Variants in KIAA1328 observed in about 807,000 individuals in gnomAD.
KIAA1328 encodes the protein KIAA1328, also known as protein hinderin.
Under a neutral mutation model 68.1 loss-of-function variants are expected in KIAA1328, and 52 were observed. The observed-to-expected ratio is 0.76, with a 90% CI of 0.61 to 0.96. KIAA1328 has a LOEUF of 0.96. Ranked by LOEUF, KIAA1328 falls within the 40% of genes least tolerant of loss-of-function variation. The pLI is 0.00. For synonymous variants in KIAA1328, 232 were observed against 239.4 expected (o/e 0.97, Z 0.28); for missense variants, 641 against 677.6 (o/e 0.95, Z 0.60).
At chr18:36,921,266 G>T (rs1469608519) in intron 5 of KIAA1328, 5 of 150,292 alleles carry the variant, frequency 3.3e-5, no homozygotes, top group Non-Finnish European at 5.9e-5. Flanking sequence ...TTTTTTGTAG[G>T]TCAGGTTGAA....
chr18:37,135,992 AT>A (rs1262897063), intron 7 of KIAA1328, among the ~76,000 whole-genome samples: 2 of 151,630 alleles, frequency 1.3e-5, no homozygotes, highest in Non-Finnish European at 2.9e-5. Context: ...TGGGTTTTCT[AT>A]TTTTTCCATT....
At chr18:37,173,671 T>G (rs2059543246) in intron 9 of KIAA1328, among the ~76,000 whole-genome samples, 1 of 152,244 alleles carries the variant, frequency 6.6e-6, no homozygotes, top group Non-Finnish European at 1.5e-5. Context: ...TTTTGAGCAC[T>G]TAAATTCATA....
intron 4 of KIAA1328, among the ~76,000 whole-genome samples, chr18:36,865,355 C>T (rs1056661228): frequency 2.0e-5 from 3 of 151,966 alleles, no homozygotes; most frequent in African/African-American, 4.8e-5. Flanking sequence ...TCCAATCATA[C>T]GGAGATTTTT....
chr18:36,905,247 G>C (rs964406436), intron 5 of KIAA1328, among the ~76,000 whole-genome samples: 1 of 151,900 alleles, frequency 6.6e-6, no homozygotes, highest in Non-Finnish European at 1.5e-5. Context: ...AAATAGCTGG[G>C]ACTAGAGGCA....
At chr18:36,829,460 C>G (rs1343955646) in intron 1 of KIAA1328, 1 of 1,288,524 alleles carries the variant, frequency 7.8e-7, no homozygotes, top group Non-Finnish European at 9.8e-7. Context: ...GAAAGATAGC[C>G]TTGAGTCCAG....
At chr18:37,096,827 A>G (rs1169121474) in intron 7 of KIAA1328, among the ~76,000 whole-genome samples, 2 of 152,204 alleles carry the variant, frequency 1.3e-5, no homozygotes, top group Non-Finnish European at 2.9e-5. Flanking sequence ...ATGGCCAGTG[A>G]TGATGAGCAT....
At chr18:37,082,036 G>T (rs549341922) in intron 7 of KIAA1328, among the ~76,000 whole-genome samples, 1 of 152,048 alleles carries the variant, frequency 6.6e-6, no homozygotes, top group Non-Finnish European at 1.5e-5. Context: ...AAAACTCTAT[G>T]TGAGGAGTAT....
chr18:36,973,360 G>A (rs552873345), intron 6 of KIAA1328, among the ~76,000 whole-genome samples: 1 of 152,004 alleles, frequency 6.6e-6, no homozygotes, highest in South Asian at 2.1e-4. Flanking sequence ...GCATTAGGAG[G>A]TATACCTAAT....
At chr18:37,177,660 G>A (rs566786131) in intron 9 of KIAA1328, among the ~76,000 whole-genome samples, 2 of 151,898 alleles carry the variant, frequency 1.3e-5, no homozygotes, top group Non-Finnish European at 1.5e-5. Flanking sequence ...ACACAAAAGC[G>A]TTAAAGGTTT....
intron 7 of KIAA1328, among the ~76,000 whole-genome samples, chr18:37,071,980 C>T (rs1381915177): frequency 3.3e-5 from 5 of 152,078 alleles, no homozygotes; most frequent in African/African-American, 9.7e-5. Context: ...CAGAGTCTCT[C>T]ATTGAGAAAC....
chr18:36,902,923 C>T (rs966977001), intron 5 of KIAA1328, among the ~76,000 whole-genome samples: 1 of 151,948 alleles, frequency 6.6e-6, no homozygotes. Flanking sequence ...AGGATAATTA[C>T]CCTTAGAATT....
At chr18:37,016,760 G>A (rs534475842) in intron 6 of KIAA1328, among the ~76,000 whole-genome samples, 1 of 152,236 alleles carries the variant, frequency 6.6e-6, no homozygotes, top group East Asian at 1.9e-4. Context: ...GAGAAGAAGT[G>A]TTCACAGTAG....
At chr18:37,044,250 A>G (rs1236318143) in intron 6 of KIAA1328, among the ~76,000 whole-genome samples, 1 of 152,074 alleles carries the variant, frequency 6.6e-6, no homozygotes, top group Non-Finnish European at 1.5e-5. Context: ...TTTCATCTTC[A>G]TTAAGATTTA....
At chr18:37,157,218 A>G (rs1224416691) in intron 7 of KIAA1328, among the ~76,000 whole-genome samples, 1 of 152,164 alleles carries the variant, frequency 6.6e-6, no homozygotes, top group Non-Finnish European at 1.5e-5. Context: ...TCAGCAGACA[A>G]GGAGAGAGGA....
At chr18:37,005,569 A>G (rs1255916361) in intron 6 of KIAA1328, among the ~76,000 whole-genome samples, 1 of 152,162 alleles carries the variant, frequency 6.6e-6, no homozygotes, top group African/African-American at 2.4e-5. Flanking sequence ...TAAAAATAGA[A>G]TTACTAATTG....
At chr18:36,916,669 TATC>T (rs1452283647) in intron 5 of KIAA1328, among the ~76,000 whole-genome samples, 5 of 152,192 alleles carry the variant, frequency 3.3e-5, no homozygotes, top group Non-Finnish European at 7.3e-5. Flanking sequence ...CAGGAGCTAT[TATC>T]ATCTCCATCG....
chr18:36,865,965 C>T (rs972357123), intron 4 of KIAA1328, among the ~76,000 whole-genome samples: 1 of 152,154 alleles, frequency 6.6e-6, no homozygotes, highest in African/African-American at 2.4e-5. Flanking sequence ...TCAGACTGCC[C>T]GTTTTTGAGT....
intron 1 of KIAA1328, 152 bp downstream of exon 1, chr18:36,829,348 T>A (rs1351636927): frequency 7.2e-6 from 10 of 1,386,124 alleles, no homozygotes; most frequent in Non-Finnish European, 9.3e-6. Context: ...GGTGCTGGGC[T>A]CTCCCCTTGC....
At position 37,224,731 on chromosome 18, in the gene KIAA1328, G is replaced by T. The variant is rs2060617547; in HGVS notation, c.*2504G>T. On this transcript the variant is annotated 3_prime_UTR_variant, in exon 10 of 10. Transcript: ENST00000280020. ...GTCTCAAGTCTCCCACCCTTGACTG[G>T]TTGGGATTTGCTCGTCCAGCCTCTA... 1 of 985,422 alleles carries T rather than the reference G, an allele frequency of 1.0e-6. No individual in the cohort carries two copies. The highest frequency in any genetic ancestry group is 4.7e-5 in the South Asian group (1 of 21,280). The allele number at this position is 985,422 out of a possible 1,614,324, so 61.0% of individuals were successfully genotyped here. A position where few individuals can be genotyped will look rare whatever the true frequency, so the allele number is the denominator to read the frequency against.
Sources: gnomAD v4.1 joint callset for allele counts (sites outside exome capture counted in the v4.1 genomes callset) on GRCh38, gnomAD v4.1.1 for gene constraint, MANE v1.5 for transcripts, NCBI Gene and HGNC (gene_info 2026-07-23, HGNC 2026-07-21) for gene names.